Variants in BCLAF3 observed in about 807,000 individuals in gnomAD.
BCLAF3 encodes BCLAF1 and THRAP3 family member 3, also known as transient octamer binding factor 1.
BCLAF3 carries 24 observed loss-of-function variants against 51.2 expected under a neutral mutation model. The observed-to-expected ratio is 0.47, with a 90% CI of 0.34 to 0.66. BCLAF3 has a LOEUF of 0.66. BCLAF3 is among the 30% of genes least tolerant of loss of function. BCLAF3 has a pLI of 0.01. For synonymous variants in BCLAF3, 152 were observed against 176.6 expected, an observed-to-expected ratio of 0.86 and a Z score of 1.10; for missense variants, 465 against 525.1, an observed-to-expected ratio of 0.89 and a Z score of 1.12.
chrX:19,969,594 G>C (rs894777561), intron 2 of BCLAF3, among the ~76,000 whole-genome samples: 3 of 111,756 alleles, frequency 2.7e-5, no homozygotes, highest in Admixed American at 9.5e-5. Flanking sequence ...AGAATCCTTT[G>C]TCCCAATAAG....
intron 8 of BCLAF3, among the ~76,000 whole-genome samples, chrX:19,950,473 G>A (rs2071442635): frequency 8.9e-6 from 1 of 112,192 alleles, no homozygotes; most frequent in Admixed American, 9.5e-5. Context: ...TGCTGGTCCT[G>A]CCTCCTGCTA....
chrX:19,917,486 G>A, intron 11 of BCLAF3, 152 bp from the exon 12 acceptor site: 1 of 482,745 alleles, frequency 2.1e-6, no homozygotes, highest in South Asian at 3.4e-5. Flanking sequence ...AACCCCAAAG[G>A]CGCAAAGTAA....
intron 1 of BCLAF3, among the ~76,000 whole-genome samples, chrX:19,980,939 A>T (rs1288840620): frequency 1.1e-4 from 10 of 88,065 alleles, no homozygotes; most frequent in Non-Finnish European, 2.1e-4. Flanking sequence ...ACTCCGTCTC[A>T]AAAAAAAAAA....
chrX:19,983,140 T>C (rs1281332230), intron 1 of BCLAF3, among the ~76,000 whole-genome samples: 1 of 104,994 alleles, frequency 9.5e-6, no homozygotes. Context: ...GTATTTTTAG[T>C]GGAGATGGGG....
At chrX:19,933,690 C>T (rs903838713) in intron 10 of BCLAF3, among the ~76,000 whole-genome samples, 8 of 112,478 alleles carry the variant, frequency 7.1e-5, no homozygotes, top group Non-Finnish European at 1.5e-4. Context: ...TCCATTTCTA[C>T]ATGTCCTCTA....
At chrX:19,920,535 C>T (rs991751075) in intron 11 of BCLAF3, among the ~76,000 whole-genome samples, 8 of 111,339 alleles carry the variant, frequency 7.2e-5, no homozygotes, top group South Asian at 3.7e-4. Context: ...AAAAGACTAA[C>T]GAGGCCAGGT....
chrX:19,963,068 G>C (rs1314102507), intron 4 of BCLAF3, among the ~76,000 whole-genome samples: 2 of 108,713 alleles, frequency 1.8e-5, no homozygotes, highest in African/African-American at 6.7e-5. Flanking sequence ...CTGGGTGACA[G>C]AGCGTGACCC....
intron 4 of BCLAF3, 122 bp from the exon 5 acceptor site, chrX:19,955,688 T>A: frequency 1.9e-6 from 1 of 513,428 alleles, no homozygotes; most frequent in Non-Finnish European, 3.0e-6. Flanking sequence ...ATTAAGGCAC[T>A]AAATTCCATG....
At chrX:19,982,762 G>T (rs748438996) in intron 1 of BCLAF3, among the ~76,000 whole-genome samples, 1 of 110,334 alleles carries the variant, frequency 9.1e-6, no homozygotes, top group East Asian at 2.8e-4. Flanking sequence ...TAGAGAAATG[G>T]CAAAGATAAC....
chrX:19,948,158 A>C (rs1399019431), intron 8 of BCLAF3, among the ~76,000 whole-genome samples: 9 of 111,774 alleles, frequency 8.1e-5, no homozygotes, highest in African/African-American at 2.9e-4. Flanking sequence ...CAAAAAGTTA[A>C]TCATAGAGTA....
intron 1 of BCLAF3, among the ~76,000 whole-genome samples, chrX:19,986,645 CAT>C (rs2072809483): frequency 9.0e-6 from 1 of 111,322 alleles, no homozygotes; most frequent in African/African-American, 3.3e-5. Flanking sequence ...ACTGTTAACA[CAT>C]GTCTTGAGGG....
intron 4 of BCLAF3, among the ~76,000 whole-genome samples, chrX:19,957,206 T>C (rs974939425): frequency 9.0e-5 from 10 of 111,511 alleles, no homozygotes; most frequent in Non-Finnish European, 1.3e-4. Flanking sequence ...GGACTTTCAT[T>C]AGAAAGAAGG....
chrX:19,974,636 C>T (rs1356652328), intron 1 of BCLAF3, among the ~76,000 whole-genome samples: 1 of 111,643 alleles, frequency 9.0e-6, no homozygotes, highest in Non-Finnish European at 1.9e-5. Flanking sequence ...AATCCCAGCA[C>T]TTTGGGAGGC....
chrX:19,958,888 T>C (rs1288348099), intron 4 of BCLAF3, among the ~76,000 whole-genome samples: 2 of 112,346 alleles, frequency 1.8e-5, no homozygotes, highest in Non-Finnish European at 3.8e-5. Context: ...TTCAGGGAGA[T>C]TGCTCCTCCC....
chrX:19,947,882 A>T (rs776475189), intron 8 of BCLAF3, among the ~76,000 whole-genome samples: 1 of 112,549 alleles, frequency 8.9e-6, no homozygotes, highest in South Asian at 3.6e-4. Context: ...ATCATGTTTC[A>T]TTTCTTTCGT....
chrX:19,953,710 C>T, intron 6 of BCLAF3, 68 bp downstream of exon 6: 7 of 891,696 alleles, frequency 7.9e-6, no homozygotes, highest in Middle Eastern at 2.8e-4. Context: ...AAAGCAGCCC[C>T]TTCCCAAATC....
intron 11 of BCLAF3, among the ~76,000 whole-genome samples, chrX:19,921,647 G>A (rs765942917): frequency 2.4e-4 from 27 of 110,896 alleles, no homozygotes; most frequent in Admixed American, 1.5e-3. Context: ...AGGCTGCAGT[G>A]AGCTGAGGTC....
chrX:19,949,575 T>G (rs1398803938), intron 8 of BCLAF3, among the ~76,000 whole-genome samples: 1 of 112,066 alleles, frequency 8.9e-6, no homozygotes, highest in Non-Finnish European at 1.9e-5. Flanking sequence ...CATATCATAT[T>G]AGGAGACTGG....
chrX:19,979,715 A>C (rs779222727), intron 1 of BCLAF3, among the ~76,000 whole-genome samples: 1 of 111,528 alleles, frequency 9.0e-6, no homozygotes, highest in East Asian at 2.8e-4. Context: ...AAAACAAATA[A>C]AAAATGAAAA....
Sources: gnomAD v4.1 joint callset for allele counts (sites outside exome capture counted in the v4.1 genomes callset) on GRCh38, gnomAD v4.1.1 for gene constraint, MANE v1.5 for transcripts, NCBI Gene and HGNC (gene_info 2026-07-23, HGNC 2026-07-21) for gene names.